Variants in FBXW4 observed in about 807,000 individuals in gnomAD.
FBXW4 encodes the protein F-box/WD repeat-containing protein 4.
A neutral mutation model predicts 61.8 loss-of-function variants in FBXW4; 40 were observed. The ratio of observed to expected loss-of-function variants is 0.65; its 90% CI spans 0.50 to 0.84. The LOEUF is 0.84. Among genes scored for constraint, FBXW4 ranks in the 40% least tolerant of loss-of-function variants. FBXW4 has a pLI of 0.00. For missense variants in FBXW4, 672 were observed against 753.8 expected (o/e 0.89, Z 1.27); for synonymous variants, 311 against 313.8 (o/e 0.99, Z 0.10).
At chr10:101,629,060 A>G (rs192073331) in intron 5 of FBXW4, among the ~76,000 whole-genome samples, 1 of 152,210 alleles carries the variant, frequency 6.6e-6, no homozygotes, top group Non-Finnish European at 1.5e-5. Flanking sequence ...AAGTTGAGAG[A>G]TTAAAAATAA....
In FBXW4 at chr10:101,694,749, C is replaced by T. The variant is rs2064658170; in HGVS notation, c.357G>A (p.Lys119=). The change falls in exon 1 of 9, where the codon AAG becomes AAA. Residue 119 remains lysine, a synonymous_variant. Coordinates refer to ENST00000331272, the MANE Select transcript of FBXW4 (RefSeq NM_022039.4). The surrounding 1 kb of genome is among the most constrained non-coding windows in gnomAD (Gnocchi z 6.0). ...TAGCCCTGACCCTCCATTCCTCCTTCTTCCCATACTCTCTTCCTTGTGCCT... is the reference window on the plus strand; with the variant it reads ...TAGCCCTGACCCTCCATTCCTCCTTTTTCCCATACTCTCTTCCTTGTGCCT... ...GKEAQGREYG[K]KEEWRVRARR... is the part of the protein sequence containing the mutation. 2.2e-6 allele frequency: 3 copies of T among 1,364,650 alleles called. No homozygotes were observed. The African/African-American group carries it at 4.6e-5, about 21-fold the overall frequency. 84.5% of individuals were successfully genotyped at this position (1,364,650 alleles called of 1,614,324 possible). A position where few individuals can be genotyped will look rare whatever the true frequency, so the allele number is the denominator to read the frequency against.
At chr10:101,658,055 T>G (rs2064205458) in intron 5 of FBXW4, among the ~76,000 whole-genome samples, 2 of 152,202 alleles carry the variant, frequency 1.3e-5, no homozygotes, top group Admixed American at 1.3e-4. Context: ...TCACTAAGAC[T>G]CACTGATTCA....
chr10:101,626,951 G>T (rs925419814), intron 5 of FBXW4: 1 of 152,204 alleles, frequency 6.6e-6, no homozygotes, highest in African/African-American at 2.4e-5. Flanking sequence ...CCTTCCCAGG[G>T]ACTCCTATCC....
At chr10:101,618,715 C>G (rs896792075) in intron 6 of FBXW4, among the ~76,000 whole-genome samples, 6 of 152,112 alleles carry the variant, frequency 3.9e-5, no homozygotes. Context: ...TTTCCCCACC[C>G]CACAATCCCA....
chr10:101,666,881 A>G (rs2064306427), intron 5 of FBXW4, among the ~76,000 whole-genome samples: 1 of 151,354 alleles, frequency 6.6e-6, no homozygotes, highest in Non-Finnish European at 1.5e-5. Flanking sequence ...ATATAGAAAC[A>G]CCCCATTTCT....
At chr10:101,613,815 AG>A (rs1272323131) in intron 6 of FBXW4, among the ~76,000 whole-genome samples, 1 of 152,172 alleles carries the variant, frequency 6.6e-6, no homozygotes, top group Non-Finnish European at 1.5e-5. Context: ...TGCTGCTGCC[AG>A]GGGGGAATTA....
At chr10:101,650,907 C>A (rs1238038871) in intron 5 of FBXW4, among the ~76,000 whole-genome samples, 1 of 152,202 alleles carries the variant, frequency 6.6e-6, no homozygotes, top group African/African-American at 2.4e-5. Context: ...AGAGACGCGG[C>A]CTGTTGGTCT....
At position 101,694,600 on chromosome 10, in the gene FBXW4, G is replaced by A. The variant is rs771078614; in HGVS notation, c.506C>T (p.Ala169Val). Residue 169 changes from alanine to valine, a missense_variant, in exon 1 of 9, where the codon GCG becomes GTG. Coordinates refer to ENST00000331272, the MANE Select transcript of FBXW4 (RefSeq NM_022039.4). This position sits in a 1 kb window ranked among gnomAD's most constrained non-coding sequence, Gnocchi z 6.0. ...AAGEEEEEEE[A>V]ARESAARPAA... Reference sequence around the variant, plus strand: ...CGGGCGGGCAGCCGACTCCCGAGCCGCCTCCTCCTCCTCCTCCTCCTCCCC... The same window carrying A: ...CGGGCGGGCAGCCGACTCCCGAGCCACCTCCTCCTCCTCCTCCTCCTCCCC... 8 of 1,426,130 alleles carry A rather than the reference G, an allele frequency of 5.6e-6. No homozygotes were observed. Among genetic ancestry groups the A allele is most frequent in the Middle Eastern group, 2.1e-4 (1 of 4,828 alleles). The allele number at this position is 1,426,130 out of a possible 1,614,324, so 88.3% of individuals were successfully genotyped here.
intron 5 of FBXW4, among the ~76,000 whole-genome samples, chr10:101,638,974 A>G (rs565824279): frequency 5.9e-5 from 9 of 152,252 alleles, no homozygotes; most frequent in Non-Finnish European, 1.3e-4. Flanking sequence ...GATCCATGAC[A>G]ATAAGAGCTA....
intron 5 of FBXW4, among the ~76,000 whole-genome samples, chr10:101,639,365 G>A (rs747744363): frequency 2.6e-5 from 4 of 152,214 alleles, no homozygotes; most frequent in Non-Finnish European, 5.9e-5. Flanking sequence ...ATGTGAGGGG[G>A]AGGAGGTCAA....
chr10:101,628,932 C>G (rs970877756), intron 5 of FBXW4, among the ~76,000 whole-genome samples: 2 of 152,224 alleles, frequency 1.3e-5, no homozygotes, highest in African/African-American at 4.8e-5. Context: ...CCTTACTCGT[C>G]CCCTGGCCCT....
rs1183536138 is a variant in FBXW4 at position 101,672,866 on chromosome 10, C to T, written c.1140+49G>A. 3 of 1,601,622 alleles carry T rather than the reference C, an allele frequency of 1.9e-6. No individual in the cohort carries two copies. The African/African-American group carries it at 4.0e-5, about 21-fold the overall frequency. ...AGACTCAGGGATCTATCCACCCCCT[C>T]CCTATAGACAGGAGGGAGTAATAGT... On this transcript the variant is annotated intron_variant, in intron 4 of 8. Coordinates refer to ENST00000331272, the MANE Select transcript of FBXW4 (RefSeq NM_022039.4).
At chr10:101,673,763 C>A in intron 2 of FBXW4, 90 bp from the exon 3 acceptor site, 1 of 1,249,324 alleles carries the variant, frequency 8.0e-7, no homozygotes. Flanking sequence ...CAATCCCCAA[C>A]TTAGTAAGGA....
intron 1 of FBXW4, among the ~76,000 whole-genome samples, chr10:101,680,083 G>A (rs1273348096): frequency 6.6e-6 from 1 of 152,078 alleles, no homozygotes; most frequent in Non-Finnish European, 1.5e-5. Flanking sequence ...TTTTATGGCT[G>A]AGTAATATTC....
rs543741341 is a variant in FBXW4, at chr10:101,654,874, A to G, written c.1235+13012T>C. On this transcript the variant is annotated intron_variant, in intron 5 of 8. Transcript: ENST00000331272. Reference sequence around the variant, plus strand: ...ACTCTTGCTCTGTCACCAAGGCTAGAGTGCAGTGGCACGATCTCAGCTGAC... The same window carrying G: ...ACTCTTGCTCTGTCACCAAGGCTAGGGTGCAGTGGCACGATCTCAGCTGAC... 2.0e-4 allele frequency among the ~76,000 whole-genome samples: 30 copies of G among 152,356 alleles called. 1 individual carries two copies. In the South Asian group the frequency reaches 5.6e-3, roughly 28 times the overall value.
chr10:101,612,595 C>T (rs2063797097), intron 6 of FBXW4, 118 bp from the exon 7 acceptor site: 1 of 1,188,124 alleles, frequency 8.4e-7, no homozygotes, highest in Non-Finnish European at 1.1e-6. Context: ...GAATGAGACT[C>T]AAGGAAGGGG....
At chr10:101,619,457 G>A (rs1412211165) in intron 6 of FBXW4, among the ~76,000 whole-genome samples, 1 of 152,098 alleles carries the variant, frequency 6.6e-6, no homozygotes, top group African/African-American at 2.4e-5. Context: ...AGGAGATCGA[G>A]ACCATCCTGG....
chr10:101,685,344 A>G (rs1233005566), intron 1 of FBXW4, among the ~76,000 whole-genome samples: 3 of 152,190 alleles, frequency 2.0e-5, no homozygotes, highest in African/African-American at 7.2e-5. Context: ...TGTGCTTCTA[A>G]AAGTGGCTCT....
intron 3 of FBXW4, 80 bp from the exon 4 acceptor site, chr10:101,673,127 C>A: frequency 1.3e-6 from 2 of 1,535,354 alleles, no homozygotes; most frequent in Non-Finnish European, 8.7e-7. Flanking sequence ...AGAAACAGCC[C>A]AAGTCTCCAG....
Sources: gnomAD v4.1 joint callset for allele counts (sites outside exome capture counted in the v4.1 genomes callset) on GRCh38, gnomAD v4.1.1 for gene constraint, Gnocchi (gnomAD v3.1) non-coding constraint, MANE v1.5 for transcripts, NCBI Gene and HGNC (gene_info 2026-07-23, HGNC 2026-07-21) for gene names.